The following DAB1 variants were observed in gnomAD, a reference collection of about 807,000 sequenced individuals.
DAB1 encodes the protein DAB adaptor protein 1, also known as disabled homolog 1.
In DAB1, 15 loss-of-function variants were observed where a neutral mutation model predicts 64.6. The observed-to-expected ratio is 0.23, with a 90% confidence interval of 0.16 to 0.36. The LOEUF (loss-of-function observed/expected upper bound fraction) is 0.36, where lower values mean the gene tolerates loss of function less well. Ranked by LOEUF, DAB1 falls within the 10% of genes least tolerant of loss-of-function variation. DAB1 has a pLI of 1.00. For missense variants in DAB1, 596 were observed against 706.7 expected, an observed-to-expected ratio of 0.84 and a Z score of 1.78; for synonymous variants, 235 against 251.9, an observed-to-expected ratio of 0.93 and a Z score of 0.64.
At chr1:58,401,832 CAT>C (rs1260260835) in intron 3 of DAB1, among the ~76,000 whole-genome samples, 2 of 152,208 alleles carry the variant, frequency 1.3e-5, no homozygotes, top group African/African-American at 4.8e-5. Flanking sequence ...AAATACATAA[CAT>C]ATTCTATATT....
At chr1:57,731,812 A>AAAAT (rs1553123373) in intron 6 of DAB1, among the ~76,000 whole-genome samples, 1 of 151,784 alleles carries the variant, frequency 6.6e-6, no homozygotes, top group African/African-American at 2.4e-5. Context: ...CTCAAAAAAA[A>AAAAT]AATAATAATA....
chr1:57,525,018 C>A (rs1644574873), intron 7 of DAB1, among the ~76,000 whole-genome samples: 1 of 152,140 alleles, frequency 6.6e-6, no homozygotes, highest in African/African-American at 2.4e-5. Flanking sequence ...ATTTACAACC[C>A]AAAGTCTGCA....
intron 7 of DAB1, among the ~76,000 whole-genome samples, chr1:57,499,132 C>T (rs537569899): frequency 9.2e-5 from 14 of 152,250 alleles, no homozygotes; most frequent in South Asian, 4.2e-4. Flanking sequence ...CACACCACCA[C>T]GCCCGGCTAA....
intron 5 of DAB1, among the ~76,000 whole-genome samples, chr1:57,932,467 A>ATT (rs1331632026): frequency 1.8e-5 from 2 of 113,562 alleles, no homozygotes; most frequent in African/African-American, 3.6e-5. Flanking sequence ...AAGCCCAGCT[A>ATT]ATTTTTTTTT....
intron 5 of DAB1, among the ~76,000 whole-genome samples, chr1:57,952,832 T>C (rs1209503844): frequency 6.6e-6 from 1 of 152,204 alleles, no homozygotes; most frequent in African/African-American, 2.4e-5. Context: ...GGTGGTTCTG[T>C]TTCTGTTAAT....
chr1:58,007,908 G>A (rs1473696337), intron 5 of DAB1, among the ~76,000 whole-genome samples: 1 of 152,122 alleles, frequency 6.6e-6, no homozygotes, highest in African/African-American at 2.4e-5. Context: ...CTATCCATTT[G>A]TTAATACATA....
chr1:57,282,587 G>A (rs148553456), intron 2 of DAB1, among the ~76,000 whole-genome samples: 3 of 152,034 alleles, frequency 2.0e-5, no homozygotes, highest in Non-Finnish European at 2.9e-5. Flanking sequence ...TGACCACATC[G>A]AGTGAAGTGT....
intron 1 of DAB1, among the ~76,000 whole-genome samples, chr1:57,292,362 C>A (rs61767389): frequency 6.6e-6 from 1 of 152,070 alleles, no homozygotes; most frequent in Non-Finnish European, 1.5e-5. Context: ...ATATAAGCTA[C>A]CTATTTTTTA....
chr1:58,542,090 T>C (rs1428805595), intron 1 of DAB1, among the ~76,000 whole-genome samples: 1 of 152,258 alleles, frequency 6.6e-6, no homozygotes, highest in Non-Finnish European at 1.5e-5. Flanking sequence ...ATGTAATTCA[T>C]ACATCCTGCC....
chr1:58,116,939 A>T (rs537446583), intron 5 of DAB1, among the ~76,000 whole-genome samples: 1 of 152,322 alleles, frequency 6.6e-6, no homozygotes, highest in African/African-American at 2.4e-5. Flanking sequence ...CTTTATAAAG[A>T]ACACAAAGGA....
At chr1:58,139,968 C>T (rs144758940) in intron 5 of DAB1, among the ~76,000 whole-genome samples, 37 of 152,278 alleles carry the variant, frequency 2.4e-4, no homozygotes, top group African/African-American at 8.9e-4. Flanking sequence ...TTAACATCTT[C>T]ATTCTCTCAA....
intron 3 of DAB1, among the ~76,000 whole-genome samples, chr1:58,469,664 T>C (rs911976355): frequency 2.6e-5 from 4 of 152,198 alleles, no homozygotes; most frequent in African/African-American, 9.7e-5. Flanking sequence ...CCCAAGCGCT[T>C]ACAAGGCACT....
intron 4 of DAB1, among the ~76,000 whole-genome samples, chr1:57,076,625 C>T (rs1652016805): frequency 6.6e-6 from 1 of 152,280 alleles, no homozygotes; most frequent in East Asian, 1.9e-4. Flanking sequence ...TGTGCTTTCC[C>T]ACTTCTGTGC....
At chr1:57,047,023 T>C (rs567742789) in intron 9 of DAB1, among the ~76,000 whole-genome samples, 1 of 152,328 alleles carries the variant, frequency 6.6e-6, no homozygotes, top group South Asian at 2.1e-4. Context: ...GACATAATTG[T>C]TAATAGCAAA....
chr1:57,333,987 T>C (rs937611776), intron 1 of DAB1, among the ~76,000 whole-genome samples: 49 of 152,126 alleles, frequency 3.2e-4, no homozygotes, highest in African/African-American at 1.2e-3. Flanking sequence ...GAGGAGGTAG[T>C]AAAGGAAGTG....
chr1:57,502,296 G>A (rs190489934), intron 7 of DAB1, among the ~76,000 whole-genome samples: 16 of 136,844 alleles, frequency 1.2e-4, no homozygotes, highest in African/African-American at 4.2e-4. Flanking sequence ...TCCAGCCTGG[G>A]CGACACAGCA....
chr1:58,145,248 G>A (rs546976794), intron 5 of DAB1, among the ~76,000 whole-genome samples: 4 of 152,322 alleles, frequency 2.6e-5, no homozygotes, highest in African/African-American at 9.6e-5. Flanking sequence ...TCCCTCATGG[G>A]ACTTTTTTGG....
At chr1:58,455,969 C>T (rs1645189755) in intron 3 of DAB1, among the ~76,000 whole-genome samples, 1 of 152,270 alleles carries the variant, frequency 6.6e-6, no homozygotes, top group Non-Finnish European at 1.5e-5. Flanking sequence ...AGGGCCCTGG[C>T]TCTACCTCCA....
chr1:57,479,755 C>T (rs944100739), intron 7 of DAB1, among the ~76,000 whole-genome samples: 3 of 152,126 alleles, frequency 2.0e-5, no homozygotes, highest in African/African-American at 7.2e-5. Flanking sequence ...CTTCCTCTAT[C>T]TCTCTGCAGC....
Sources: allele counts gnomAD v4.1 joint callset (sites outside exome capture counted in the v4.1 genomes callset), GRCh38; gene constraint gnomAD v4.1.1; transcripts MANE v1.5; gene names NCBI Gene and HGNC (gene_info 2026-07-23, HGNC 2026-07-21).